Variants in PRDM16 observed in about 807,000 individuals in gnomAD.
PRDM16 encodes histone-lysine N-methyltransferase PRDM16.
PRDM16 carries 23 observed loss-of-function variants against 110.6 expected under a neutral mutation model. The observed-to-expected ratio is 0.21, with a 90% CI of 0.15 to 0.29. The LOEUF (loss-of-function observed/expected upper bound fraction) is 0.29, where lower values mean the gene tolerates loss of function less well. Among genes scored for constraint, PRDM16 ranks in the 10% least tolerant of loss-of-function variants. PRDM16 has a pLI of 1.00. For synonymous variants in PRDM16, 799 were observed against 781.8 expected, an observed-to-expected ratio of 1.02 and a Z score of -0.37; for missense variants, 1,615 against 1,794.3, an observed-to-expected ratio of 0.90 and a Z score of 1.81.
intron 3 of PRDM16, among the ~76,000 whole-genome samples, chr1:3,377,823 C>A (rs530933037): frequency 3.1e-4 from 47 of 152,302 alleles, no homozygotes; most frequent in African/African-American, 1.1e-3. Context: ...ATTGATCACG[C>A]GCAAACAGAA....
At chr1:3,223,103 C>CTTTTTTTTTTTT (rs1172383270) in intron 2 of PRDM16, among the ~76,000 whole-genome samples, 2 of 73,994 alleles carry the variant, frequency 2.7e-5, no homozygotes, top group African/African-American at 7.1e-5. Flanking sequence ...AAAATCAAGG[C>CTTTTTTTTTTTT]TTTTTTTTTT....
At chr1:3,070,564 G>T (rs1379503174) in intron 1 of PRDM16, among the ~76,000 whole-genome samples, 2 of 135,374 alleles carry the variant, frequency 1.5e-5, no homozygotes, top group Non-Finnish European at 3.2e-5. Context: ...CAGAAGAGGC[G>T]CCCGGGCCGC....
Position 3,412,469 on chromosome 1 carries a change from C to T in PRDM16, c.2272C>T (p.Pro758Ser), listed in dbSNP as rs770119635. Residue 758 changes from proline to serine, a missense_variant, in exon 9 of 17, where the codon CCC becomes TCC. By Grantham distance (74) the Pro-to-Ser change is moderately conservative. Transcript: ENST00000270722. Reference protein sequence around the residue: ...NLLVKAEPKSPRDALKVGGPS... With the variant: ...NLLVKAEPKSSRDALKVGGPS... Reference sequence around the variant, plus strand: ...GCTGGTCAAGGCCGAGCCAAAGTCACCCCGGGACGCCCTCAAGGTGGGCGG... The same window carrying T: ...GCTGGTCAAGGCCGAGCCAAAGTCATCCCGGGACGCCCTCAAGGTGGGCGG... The T allele has an allele frequency of 5.0e-6, 8 of 1,613,350 alleles. No individual in the cohort carries two copies. In the Admixed American group the frequency reaches 8.3e-5, roughly 17 times the overall value.
chr1:3,091,379 A>G (rs1642273148), intron 1 of PRDM16, among the ~76,000 whole-genome samples: 1 of 152,068 alleles, frequency 6.6e-6, no homozygotes, highest in East Asian at 1.9e-4. Context: ...AGACGACAGC[A>G]TCTCTTTCAT....
At chr1:3,096,363 G>A (rs930815717) in intron 1 of PRDM16, among the ~76,000 whole-genome samples, 3 of 152,138 alleles carry the variant, frequency 2.0e-5, no homozygotes, top group Admixed American at 1.3e-4. Context: ...GGACCCCCAG[G>A]AGGCTCTGTG....
At chr1:3,298,797 G>T (rs554636885) in intron 3 of PRDM16, among the ~76,000 whole-genome samples, 1 of 152,192 alleles carries the variant, frequency 6.6e-6, no homozygotes, top group Non-Finnish European at 1.5e-5. Flanking sequence ...CCAAGGGGCC[G>T]TAGACCAAGG....
intron 1 of PRDM16, among the ~76,000 whole-genome samples, chr1:3,162,116 A>G (rs1256511313): frequency 1.3e-5 from 2 of 152,036 alleles, no homozygotes; most frequent in African/African-American, 4.8e-5. Context: ...ATACAAATGT[A>G]ATCTTTGTCA....
At chr1:3,082,809 G>T (rs1642061344) in intron 1 of PRDM16, among the ~76,000 whole-genome samples, 1 of 152,222 alleles carries the variant, frequency 6.6e-6, no homozygotes, top group African/African-American at 2.4e-5. Context: ...GGGCCTGGGG[G>T]ACAGGCGAGA....
In PRDM16 at chr1:3,430,968, G is replaced by A. The variant is rs1294120522; in HGVS notation, c.3381G>A (p.Glu1127=). 6.2e-7 allele frequency: 1 copy of A among 1,612,112 alleles called. No homozygotes were observed. The highest frequency in any genetic ancestry group is 8.5e-7 in the Non-Finnish European group (1 of 1,179,156). ...DVEEEDDDDL[E]EDDEDSLAGK... ...AGGAGGAGGACGACGATGACCTGGAGGAGGACGATGAGGACAGCCTGGCCG... is the reference window on the plus strand; with the variant it reads ...AGGAGGAGGACGACGATGACCTGGAAGAGGACGATGAGGACAGCCTGGCCG... Residue 1127 remains glutamate, a synonymous_variant, in exon 15 of 17, where the codon GAG becomes GAA. Coordinates refer to ENST00000270722, the MANE Select transcript of PRDM16 (RefSeq NM_022114.4).
rs561601286 is a variant in PRDM16 at position 3,074,626 on chromosome 1, G to T, written c.37+5330G>T. ...CTTCTGTGGGTGTTCTGTCCCCAAG[G>T]GCAGGCACAGAGGAGCAGAAACCTT... On this transcript the variant is annotated intron_variant, in intron 1 of 16. Transcript: ENST00000270722. Among the ~76,000 whole-genome samples, 3 of 152,252 alleles carry T rather than the reference G, an allele frequency of 2.0e-5. No homozygotes were observed. The South Asian group carries it at 6.2e-4, about 32-fold the overall frequency.
At chr1:3,408,692 G>T (rs1643606515) in intron 8 of PRDM16, among the ~76,000 whole-genome samples, 3 of 150,468 alleles carry the variant, frequency 2.0e-5, no homozygotes, top group Admixed American at 2.0e-4. Context: ...ACGTGAGCCG[G>T]TGCATGTGTT....
At chr1:3,393,539 C>G (rs1205783943) in intron 4 of PRDM16, among the ~76,000 whole-genome samples, 1 of 152,280 alleles carries the variant, frequency 6.6e-6, no homozygotes, top group Admixed American at 6.5e-5. Flanking sequence ...ACAGTAAATG[C>G]GCAATTTGTG....
intron 10 of PRDM16, 58 bp from the exon 11 acceptor site, chr1:3,417,770 C>A (rs1638310226): frequency 6.8e-7 from 1 of 1,470,666 alleles, no homozygotes; most frequent in African/African-American, 1.4e-5. Flanking sequence ...GCAGTGCGTG[C>A]CCCTGAAGAC....
intron 12 of PRDM16, among the ~76,000 whole-genome samples, chr1:3,422,956 C>T (rs2100686487): frequency 6.6e-6 from 1 of 152,290 alleles, no homozygotes; most frequent in Middle Eastern, 3.4e-3. Context: ...CCCCTGGGAT[C>T]AGGAGCAGAG....
At chr1:3,171,638 C>T (rs1289107005) in intron 1 of PRDM16, among the ~76,000 whole-genome samples, 2 of 152,236 alleles carry the variant, frequency 1.3e-5, no homozygotes, top group Admixed American at 1.3e-4. Context: ...ACGAGCTGAG[C>T]TGGCTCCTGT....
At chr1:3,368,586 C>T (rs4648486) in intron 3 of PRDM16, among the ~76,000 whole-genome samples, 59,587 of 152,114 alleles carry the variant, frequency 0.39, 12,733 homozygotes, top group East Asian at 0.66. Context: ...CAAGGCCCTC[C>T]TCTTGAGAAA....
At chr1:3,104,785 G>C (rs998182379) in intron 1 of PRDM16, among the ~76,000 whole-genome samples, 1 of 151,980 alleles carries the variant, frequency 6.6e-6, no homozygotes, top group Non-Finnish European at 1.5e-5. Flanking sequence ...TGGCCACCCC[G>C]CCCACAGACA....
rs1284836201 is a variant in PRDM16 at position 3,350,531 on chromosome 1, C to A, written c.439-34621C>A. On this transcript the variant is annotated intron_variant, in intron 3 of 16. Transcript: ENST00000270722. The surrounding 1 kb of genome is among the most constrained non-coding windows in gnomAD (Gnocchi z 7.1). ...GATCAAGGGCCCCGGGCTGATGTGG[C>A]CTCCCAGCAGCCTGCAGGACAAGGG... Among the ~76,000 whole-genome samples, 1 of 152,240 alleles carries A rather than the reference C, an allele frequency of 6.6e-6. No individual in the cohort carries two copies. The highest frequency in any genetic ancestry group is 6.5e-5 in the Admixed American group (1 of 15,298).
chr1:3,233,442 G>A (rs963503650), intron 2 of PRDM16, among the ~76,000 whole-genome samples: 11 of 152,134 alleles, frequency 7.2e-5, no homozygotes, highest in South Asian at 4.2e-4. Flanking sequence ...CCCTCCTGCC[G>A]CTGCCACTCA....
Sources: allele counts gnomAD v4.1 joint callset (sites outside exome capture counted in the v4.1 genomes callset), GRCh38; gene constraint gnomAD v4.1.1; non-coding constraint Gnocchi (gnomAD v3.1); transcripts MANE v1.5; gene names NCBI Gene and HGNC (gene_info 2026-07-23, HGNC 2026-07-21).